NRXN3: variants seen among roughly 807,000 people sequenced by gnomAD.
NRXN3 encodes the protein neurexin 3.
NRXN3 carries 32 observed loss-of-function variants against 137.6 expected under a neutral mutation model. The observed-to-expected ratio is 0.23, with a 90% confidence interval of 0.18 to 0.31. The LOEUF is 0.31. Ranked by LOEUF, NRXN3 falls within the 10% of genes least tolerant of loss-of-function variation. The probability of loss-of-function intolerance (pLI) is 1.00; values close to 1 mark genes in which losing one functional copy is unlikely to be tolerated. For missense variants in NRXN3, 1,574 were observed against 2,062.5 expected (o/e 0.76, Z 4.59); for synonymous variants, 798 against 784.5 (o/e 1.02, Z -0.29).
At chr14:78,436,567 GAATCCTTGCTTTTA>G (rs1346830956) in intron 4 of NRXN3, among the ~76,000 whole-genome samples, 1 of 152,210 alleles carries the variant, frequency 6.6e-6, no homozygotes. Flanking sequence ...GAAATGTTTT[GAATCCTTGCTTTTA>G]GCAAGGAAGC....
At chr14:79,101,514 C>T (rs994339409) in intron 15 of NRXN3, among the ~76,000 whole-genome samples, 9 of 152,102 alleles carry the variant, frequency 5.9e-5, no homozygotes, top group African/African-American at 1.9e-4. Flanking sequence ...GGCTGTAGTG[C>T]TTTGGGCCAT....
chr14:78,175,725 A>G lies in NRXN3; in HGVS notation c.-704+5051A>G, dbSNP rs181744980. On this transcript the variant is annotated intron_variant, in intron 1 of 20. Transcript: ENST00000335750. Reference sequence around the variant, plus strand: ...GCTGAGCTCGGGGCAGGGACTATGGATGGGGCCCACTCCCAGCCCTTTCCT... The same window carrying G: ...GCTGAGCTCGGGGCAGGGACTATGGGTGGGGCCCACTCCCAGCCCTTTCCT... Among the ~76,000 whole-genome samples the G allele has an allele frequency of 2.4e-4, 36 of 152,158 alleles. 1 individual carries two copies. The East Asian group carries it at 7.0e-3, about 30-fold the overall frequency.
At chr14:79,347,419 C>T (rs937887544) in intron 15 of NRXN3, among the ~76,000 whole-genome samples, 3 of 150,998 alleles carry the variant, frequency 2.0e-5, no homozygotes, top group South Asian at 4.2e-4. Context: ...AATGAGGCAA[C>T]GTTTTCCTTT....
rs946471828 is a variant in NRXN3 at position 78,741,486 on chromosome 14, CT to C, written c.2044+26348del. Among the ~76,000 whole-genome samples, 6 of 152,150 alleles carry C rather than the reference CT, an allele frequency of 3.9e-5. No homozygotes were observed. The East Asian group carries it at 7.7e-4, about 20-fold the overall frequency. On this transcript the variant is annotated intron_variant, in intron 8 of 20. Transcript: ENST00000335750. ...CAACGTCTCAGTTTTTAAATTTTTA[CT>C]GTGTATTTTTTTGTTTTGAATCACT...
At chr14:79,726,982 A>C (rs116527703) in intron 19 of NRXN3, among the ~76,000 whole-genome samples, 34 of 152,286 alleles carry the variant, frequency 2.2e-4, no homozygotes, top group African/African-American at 7.7e-4. Context: ...ACTGTTGGGA[A>C]AACTAAAAGT....
At chr14:79,499,955 T>TTGTG (rs2096803490) in intron 16 of NRXN3, among the ~76,000 whole-genome samples, 1 of 69,352 alleles carries the variant, frequency 1.4e-5, no homozygotes, top group Non-Finnish European at 2.7e-5. Flanking sequence ...TATCTTAGGG[T>TTGTG]CGTGTGTGTG....
At chr14:79,115,328 A>AC (rs1176729077) in intron 15 of NRXN3, among the ~76,000 whole-genome samples, 1 of 150,814 alleles carries the variant, frequency 6.6e-6, no homozygotes, top group Non-Finnish European at 1.5e-5. Context: ...TCTGTCTCAA[A>AC]AAAAAAAAAA....
At chr14:78,949,221 T>A (rs12050287) in intron 10 of NRXN3, among the ~76,000 whole-genome samples, 20,172 of 152,110 alleles carry the variant, frequency 0.13, 2,791 homozygotes, top group East Asian at 0.43. Flanking sequence ...TACTGCCAAG[T>A]TCCTTCTGCT....
intron 15 of NRXN3, among the ~76,000 whole-genome samples, chr14:79,216,497 G>C (rs1201803239): frequency 1.3e-5 from 2 of 152,180 alleles, no homozygotes; most frequent in Non-Finnish European, 2.9e-5. Context: ...TTGGATGGAA[G>C]ATGTTACATC....
At chr14:78,354,782 G>A (rs1260303212) in intron 4 of NRXN3, among the ~76,000 whole-genome samples, 1 of 152,208 alleles carries the variant, frequency 6.6e-6, no homozygotes, top group Admixed American at 6.5e-5. Flanking sequence ...CCAGTAAGAA[G>A]GTTTATGTGC....
At chr14:78,512,070 C>T (rs1009850036) in intron 4 of NRXN3, among the ~76,000 whole-genome samples, 7 of 152,140 alleles carry the variant, frequency 4.6e-5, no homozygotes, top group African/African-American at 1.7e-4. Context: ...TAAATGGTCA[C>T]AATAATTCCC....
intron 4 of NRXN3, among the ~76,000 whole-genome samples, chr14:78,558,673 G>A (rs2096760210): frequency 1.3e-5 from 2 of 152,132 alleles, no homozygotes. Flanking sequence ...TGGATGCAGG[G>A]AAAGTATAAA....
intron 19 of NRXN3, among the ~76,000 whole-genome samples, chr14:79,799,441 C>T (rs897229819): frequency 9.9e-5 from 15 of 152,228 alleles, no homozygotes; most frequent in Admixed American, 6.5e-4. Flanking sequence ...GGACAGATGA[C>T]ACTGGTGAGA....
chr14:78,588,501 CA>C (rs767986072), intron 4 of NRXN3, among the ~76,000 whole-genome samples: 11 of 152,182 alleles, frequency 7.2e-5, no homozygotes, highest in Non-Finnish European at 1.5e-4. Context: ...GGAGAGTATA[CA>C]GGGCTGAGAT....
chr14:79,450,191 A>G (rs1203031970), intron 15 of NRXN3, among the ~76,000 whole-genome samples: 1 of 152,000 alleles, frequency 6.6e-6, no homozygotes, highest in African/African-American at 2.4e-5. Flanking sequence ...AAATGATTGA[A>G]TTAACATTTA....
intron 19 of NRXN3, among the ~76,000 whole-genome samples, chr14:79,748,033 T>C (rs1348824061): frequency 6.6e-6 from 1 of 151,644 alleles, no homozygotes; most frequent in Non-Finnish European, 1.5e-5. Flanking sequence ...ATAACACACA[T>C]TGGGGCCTGT....
chr14:78,733,470 C>T (rs370906697), intron 8 of NRXN3, among the ~76,000 whole-genome samples: 19 of 152,226 alleles, frequency 1.2e-4, no homozygotes, highest in South Asian at 6.2e-4. Flanking sequence ...GGAAGAAATG[C>T]GACCATCCAA....
chr14:78,727,786 C>T (rs145071531), intron 8 of NRXN3, among the ~76,000 whole-genome samples: 1 of 152,262 alleles, frequency 6.6e-6, no homozygotes, highest in Non-Finnish European at 1.5e-5. Context: ...TTTACCACCT[C>T]GTCTTATTCC....
intron 15 of NRXN3, among the ~76,000 whole-genome samples, chr14:79,001,111 C>T (rs1320476868): frequency 6.6e-6 from 1 of 152,106 alleles, no homozygotes; most frequent in Non-Finnish European, 1.5e-5. Flanking sequence ...TCTCTTGTCA[C>T]ATGGAATCTT....
Sources: allele counts gnomAD v4.1 joint callset (sites outside exome capture counted in the v4.1 genomes callset), GRCh38; gene constraint gnomAD v4.1.1; transcripts MANE v1.5; gene names NCBI Gene and HGNC (gene_info 2026-07-23, HGNC 2026-07-21).